SGCD: variants seen among roughly 807,000 people sequenced by gnomAD.
SGCD encodes sarcoglycan delta, also known as delta-sarcoglycan.
Under a neutral mutation model 36.6 loss-of-function variants are expected in SGCD, and 18 were observed. That is an observed-to-expected ratio of 0.49 (90% CI 0.34 to 0.73). The LOEUF is 0.73. Ranked by LOEUF, SGCD falls within the 30% of genes least tolerant of loss-of-function variation. The pLI is 0.01. For missense variants in SGCD, 387 were observed against 346.7 expected, an observed-to-expected ratio of 1.12 and a Z score of -0.92; for synonymous variants, 133 against 130.6, an observed-to-expected ratio of 1.02 and a Z score of -0.12.
chr5:156,119,028 T>C (rs1761971090), intron 2 of SGCD, among the ~76,000 whole-genome samples: 1 of 152,166 alleles, frequency 6.6e-6, no homozygotes, highest in African/African-American at 2.4e-5. Context: ...CAACTGAGGC[T>C]GACCACCTGT....
intron 1 of SGCD, among the ~76,000 whole-genome samples, chr5:155,899,238 C>T (rs1243808974): frequency 6.6e-6 from 1 of 152,134 alleles, no homozygotes; most frequent in African/African-American, 2.4e-5. Flanking sequence ...AAGTGGAAGT[C>T]ATATGAAAGA....
intron 3 of SGCD, among the ~76,000 whole-genome samples, chr5:156,185,269 C>T (rs1763710537): frequency 7.1e-6 from 1 of 141,324 alleles, no homozygotes; most frequent in South Asian, 2.2e-4. Context: ...GGCTGGAGTG[C>T]AGTGGCACAA....
intron 7 of SGCD, among the ~76,000 whole-genome samples, chr5:156,717,368 C>T (rs1420352481): frequency 2.0e-5 from 3 of 152,204 alleles, no homozygotes; most frequent in Non-Finnish European, 2.9e-5. Flanking sequence ...ACATCCTACA[C>T]TGTCATTCTT....
chr5:155,749,898 T>A, the SGCD span, among the ~76,000 whole-genome samples: 3 of 152,192 alleles, frequency 2.0e-5, no homozygotes, highest in African/African-American at 7.2e-5. Context: ...TCTGCAAGAC[T>A]CATAGCTTAT....
intron 3 of SGCD, among the ~76,000 whole-genome samples, chr5:156,447,217 G>A (rs897344580): frequency 6.6e-6 from 1 of 152,142 alleles, no homozygotes; most frequent in Non-Finnish European, 1.5e-5. Flanking sequence ...TTAAATCTGA[G>A]CTGGGAAGGT....
At chr5:155,899,863 T>G (rs530464272) in intron 1 of SGCD, among the ~76,000 whole-genome samples, 6 of 152,208 alleles carry the variant, frequency 3.9e-5, no homozygotes, top group Non-Finnish European at 7.3e-5. Flanking sequence ...TTGCAGACAG[T>G]TCGCATGGAA....
At chr5:156,626,773 T>C (rs1370970072) in intron 6 of SGCD, among the ~76,000 whole-genome samples, 2 of 146,036 alleles carry the variant, frequency 1.4e-5, no homozygotes, top group Non-Finnish European at 3.0e-5. Flanking sequence ...TTAGGGCTTA[T>C]ATTTTATAAT....
At chr5:156,251,359 C>T (rs1321031015) in intron 3 of SGCD, among the ~76,000 whole-genome samples, 1 of 151,938 alleles carries the variant, frequency 6.6e-6, no homozygotes, top group Admixed American at 6.6e-5. Flanking sequence ...TTTGCCTAGA[C>T]CCCCTTTTCC....
At chr5:156,021,922 A>G (rs141667963) in intron 1 of SGCD, among the ~76,000 whole-genome samples, 226 of 152,284 alleles carry the variant, frequency 1.5e-3, no homozygotes, top group African/African-American at 4.6e-3. Flanking sequence ...TTTAAAGTGT[A>G]TAATTCATCG....
At chr5:156,070,269 G>T (rs2127587264) in intron 1 of SGCD, among the ~76,000 whole-genome samples, 1 of 152,070 alleles carries the variant, frequency 6.6e-6, no homozygotes, top group Non-Finnish European at 1.5e-5. Context: ...CTGTGGGTTT[G>T]TCATAGATAG....
intron 1 of SGCD, among the ~76,000 whole-genome samples, chr5:155,890,673 T>TAGAG (rs1756107273): frequency 6.6e-6 from 1 of 151,160 alleles, no homozygotes. Context: ...GATAGATAGA[T>TAGAG]AGATAGACAG....
intron 4 of SGCD, among the ~76,000 whole-genome samples, chr5:156,583,362 G>C (rs779948682): frequency 6.6e-6 from 1 of 152,118 alleles, no homozygotes; most frequent in African/African-American, 2.4e-5. Flanking sequence ...CAAGCAACAC[G>C]AGGATTATCC....
At chr5:156,656,429 A>G (rs1285295665) in intron 7 of SGCD, among the ~76,000 whole-genome samples, 1 of 152,104 alleles carries the variant, frequency 6.6e-6, no homozygotes, top group East Asian at 1.9e-4. Context: ...TGGCGTTTTG[A>G]TTGAAAGAAG....
At chr5:156,413,615 T>C (rs1772882313) in intron 3 of SGCD, among the ~76,000 whole-genome samples, 2 of 152,222 alleles carry the variant, frequency 1.3e-5, no homozygotes, top group African/African-American at 2.4e-5. Context: ...TATCTGGGAC[T>C]ACAGACACAT....
chr5:156,506,763 G>T (rs1756718763), intron 3 of SGCD, among the ~76,000 whole-genome samples: 1 of 152,216 alleles, frequency 6.6e-6, no homozygotes, highest in Admixed American at 6.5e-5. Flanking sequence ...CTAGGTGGAA[G>T]ATGTTAGATA....
At chr5:156,073,882 G>T (rs77546817) in intron 1 of SGCD, among the ~76,000 whole-genome samples, 4 of 152,134 alleles carry the variant, frequency 2.6e-5, no homozygotes, top group Admixed American at 2.6e-4. Context: ...ATGAAGCAAG[G>T]CTTGACAGGT....
At chr5:155,820,534 A>G in the SGCD span, among the ~76,000 whole-genome samples, 3 of 151,988 alleles carry the variant, frequency 2.0e-5, no homozygotes, top group Non-Finnish European at 2.9e-5. Flanking sequence ...AAACAAACAA[A>G]CAAATAAATA....
chr5:155,960,663 A>G (rs2113448693), intron 1 of SGCD, among the ~76,000 whole-genome samples: 1 of 152,256 alleles, frequency 6.6e-6, no homozygotes, highest in South Asian at 2.1e-4. Context: ...CTGAAAGCCT[A>G]ACATTTTAGA....
chr5:156,023,842 G>C (rs1759163717), intron 1 of SGCD, among the ~76,000 whole-genome samples: 1 of 151,996 alleles, frequency 6.6e-6, no homozygotes, highest in Non-Finnish European at 1.5e-5. Context: ...CCTCTTATTT[G>C]GTCTCAACTT....
Sources: gnomAD v4.1 joint callset for allele counts (sites outside exome capture counted in the v4.1 genomes callset) on GRCh38, gnomAD v4.1.1 for gene constraint, MANE v1.5 for transcripts, NCBI Gene and HGNC (gene_info 2026-07-23, HGNC 2026-07-21) for gene names.